Variants in CREM observed in about 807,000 individuals in gnomAD.
The protein encoded by CREM is cAMP responsive element modulator.
Under a neutral mutation model 37.3 loss-of-function variants are expected in CREM, and 13 were observed. The ratio of observed to expected loss-of-function variants is 0.35; its 90% CI spans 0.23 to 0.55. The LOEUF (loss-of-function observed/expected upper bound fraction) is 0.55, where lower values mean the gene tolerates loss of function less well. Among genes scored for constraint, CREM ranks in the 20% least tolerant of loss-of-function variants. The pLI, the probability that CREM is intolerant of heterozygous loss-of-function variation, is 0.88. For missense variants in CREM, 296 were observed against 362.3 expected, an observed-to-expected ratio of 0.82 and a Z score of 1.49; for synonymous variants, 124 against 120.2, an observed-to-expected ratio of 1.03 and a Z score of -0.21.
chr10:35,189,733 C>A (rs1402006929), intron 6 of CREM, among the ~76,000 whole-genome samples: 1 of 152,256 alleles, frequency 6.6e-6, no homozygotes, highest in East Asian at 1.9e-4. Flanking sequence ...CCAGGCTGGT[C>A]GTGAACTCCT....
intron 7 of CREM, among the ~76,000 whole-genome samples, chr10:35,210,124 A>G (rs940299086): frequency 4.6e-5 from 7 of 151,976 alleles, no homozygotes; most frequent in Admixed American, 3.9e-4. Context: ...AGCTGGCATT[A>G]CAGAAACTGG....
At chr10:35,147,244 G>A (rs1010403561) in intron 2 of CREM, among the ~76,000 whole-genome samples, 2 of 151,632 alleles carry the variant, frequency 1.3e-5, no homozygotes, top group African/African-American at 2.4e-5. Context: ...TAGTAGAGAC[G>A]GGGTTTCACC....
chr10:35,208,024 G>C (rs1223001634), intron 7 of CREM, among the ~76,000 whole-genome samples: 1 of 152,174 alleles, frequency 6.6e-6, no homozygotes, highest in Non-Finnish European at 1.5e-5. Context: ...TTTAGTATTT[G>C]CTGTGAAGTA....
intron 5 of CREM, 49 bp downstream of exon 5, chr10:35,179,325 T>G (rs2094248152): frequency 6.3e-7 from 1 of 1,580,890 alleles, no homozygotes; most frequent in Non-Finnish European, 8.6e-7. Context: ...TTAAGTCTTC[T>G]CTAGTTATAT....
At chr10:35,173,688 A>G (rs888224067) in intron 3 of CREM, among the ~76,000 whole-genome samples, 5 of 152,196 alleles carry the variant, frequency 3.3e-5, no homozygotes, top group Admixed American at 6.5e-5. Flanking sequence ...CTTTGTGTTC[A>G]ATGTCATCCA....
chr10:35,141,717 T>C (rs904607684), intron 2 of CREM, among the ~76,000 whole-genome samples: 2 of 152,172 alleles, frequency 1.3e-5, no homozygotes, highest in Admixed American at 6.5e-5. Flanking sequence ...GGTTTAAATC[T>C]GGCACTTGAA....
intron 6 of CREM, among the ~76,000 whole-genome samples, chr10:35,199,677 G>A (rs1329713062): frequency 2.6e-5 from 4 of 152,016 alleles, no homozygotes; most frequent in South Asian, 2.1e-4. Flanking sequence ...CTGGGTAAAT[G>A]ACTTCCAAGT....
In CREM at chr10:35,136,670, G is replaced by A. The variant is rs145600272; in HGVS notation, c.-54-1112G>A. ...ACATCATTTAGAAGAACCCTTAGGAGGGAACTCTGAAAGCAATGTGTCTGT... is the reference window on the plus strand; with the variant it reads ...ACATCATTTAGAAGAACCCTTAGGAAGGAACTCTGAAAGCAATGTGTCTGT... On this transcript the variant is annotated intron_variant, in intron 1 of 7. Coordinates refer to ENST00000685392, the MANE Select transcript of CREM (RefSeq NM_183011.2). Among the ~76,000 whole-genome samples, 124 of 152,236 alleles carry A rather than the reference G, an allele frequency of 8.1e-4. 2 individuals carry two copies. Among genetic ancestry groups the A allele is most frequent in the African/African-American group, 2.8e-3 (116 of 41,538 alleles).
At chr10:35,154,421 C>T in intron 3 of CREM, 2 of 207,802 alleles carry the variant, frequency 9.6e-6, no homozygotes, top group Non-Finnish European at 1.9e-5. Flanking sequence ...ATAATTTCAG[C>T]TAAGTAGATC....
At chr10:35,195,028 G>T in intron 6 of CREM, 1 of 594,002 alleles carries the variant, frequency 1.7e-6, no homozygotes, top group Non-Finnish European at 2.9e-6. Context: ...TTGGGTTTCA[G>T]TGAGCTCGCC....
At chr10:35,197,955 T>G (rs2095261712) in intron 6 of CREM, among the ~76,000 whole-genome samples, 1 of 152,154 alleles carries the variant, frequency 6.6e-6, no homozygotes, top group African/African-American at 2.4e-5. Context: ...CACGGCAAAG[T>G]GGACCTATGT....
intron 6 of CREM, among the ~76,000 whole-genome samples, chr10:35,206,411 T>C (rs1376794389): frequency 6.6e-6 from 1 of 152,210 alleles, no homozygotes; most frequent in Non-Finnish European, 1.5e-5. Flanking sequence ...GGCATCTGTT[T>C]TGTCTGTATG....
chr10:35,151,203 C>G (rs374708659), intron 3 of CREM, among the ~76,000 whole-genome samples: 1 of 152,144 alleles, frequency 6.6e-6, no homozygotes, highest in Non-Finnish European at 1.5e-5. Context: ...TAGAAAAAGC[C>G]TGTGTTTACG....
intron 3 of CREM, among the ~76,000 whole-genome samples, chr10:35,169,755 G>T (rs1189617767): frequency 6.6e-6 from 1 of 152,048 alleles, no homozygotes; most frequent in East Asian, 1.9e-4. Flanking sequence ...TTATTATTTT[G>T]AGATACGTCC....
At chr10:35,196,040 A>G in intron 6 of CREM, 13 of 1,613,902 alleles carry the variant, frequency 8.1e-6, no homozygotes, top group Non-Finnish European at 1.0e-5. Flanking sequence ...TGAAGAGGGA[A>G]ACACGTCATG....
At chr10:35,195,288 C>G (rs376064501) in intron 6 of CREM, 2 of 1,559,164 alleles carry the variant, frequency 1.3e-6, no homozygotes, top group African/African-American at 1.4e-5. Context: ...TCAGGAACAT[C>G]TGAGTGTTTC....
intron 6 of CREM, among the ~76,000 whole-genome samples, chr10:35,206,580 A>C (rs2095529892): frequency 6.6e-6 from 1 of 152,206 alleles, no homozygotes; most frequent in Non-Finnish European, 1.5e-5. Context: ...ACTGTTTCTT[A>C]AATATTTATT....
intron 3 of CREM, among the ~76,000 whole-genome samples, chr10:35,170,840 A>G (rs1360779315): frequency 6.6e-6 from 1 of 152,128 alleles, no homozygotes; most frequent in Non-Finnish European, 1.5e-5. Context: ...TATAATTATA[A>G]GGTTGACGCT....
chr10:35,180,979 T>G (rs749994708), intron 5 of CREM, among the ~76,000 whole-genome samples: 6 of 152,218 alleles, frequency 3.9e-5, no homozygotes, highest in Non-Finnish European at 8.8e-5. Context: ...ACACTAAGAC[T>G]TCTCAAAGTG....
Sources: gnomAD v4.1 joint callset for allele counts (sites outside exome capture counted in the v4.1 genomes callset) on GRCh38, gnomAD v4.1.1 for gene constraint, MANE v1.5 for transcripts, NCBI Gene and HGNC (gene_info 2026-07-23, HGNC 2026-07-21) for gene names.